DYNAP: variants seen among roughly 807,000 people sequenced by gnomAD.
The protein encoded by DYNAP is dynactin-associated protein.
DYNAP carries 7 observed loss-of-function variants against 8.5 expected under a neutral mutation model. The observed-to-expected ratio is 0.82, with a 90% CI of 0.47 to 1.54. The LOEUF (loss-of-function observed/expected upper bound fraction) is 1.54. Ranked by LOEUF, DYNAP falls within the 40% of genes most tolerant of loss-of-function variation. DYNAP has a pLI of 0.01. For synonymous variants in DYNAP, 77 were observed against 77.9 expected, an observed-to-expected ratio of 0.99 and a Z score of 0.06; for missense variants, 256 against 224.3, an observed-to-expected ratio of 1.14 and a Z score of -0.90.
chr18:54,579,196 G>T, the DYNAP span, among the ~76,000 whole-genome samples: 903 of 152,186 alleles, frequency 5.9e-3, 16 homozygotes, highest in African/African-American at 0.02. Flanking sequence ...TGTATTCTAT[G>T]TATTTATTAA....
chr18:54,576,593 G>A, the DYNAP span, among the ~76,000 whole-genome samples: 1 of 151,698 alleles, frequency 6.6e-6, no homozygotes, highest in Non-Finnish European at 1.5e-5. Flanking sequence ...GAGCCCAGGA[G>A]TTCGAGACCA....
intron 2 of DYNAP, among the ~76,000 whole-genome samples, chr18:54,596,770 C>A (rs991921081): frequency 2.0e-5 from 3 of 152,070 alleles, no homozygotes; most frequent in Non-Finnish European, 2.9e-5. Context: ...CAGATGTACA[C>A]AAGCCTTTTT....
At chr18:54,592,267 A>C (rs1323397010) in intron 1 of DYNAP, among the ~76,000 whole-genome samples, 1 of 150,998 alleles carries the variant, frequency 6.6e-6, no homozygotes, top group East Asian at 1.9e-4. Context: ...ATGTTCAGAT[A>C]CTCAGATGGA....
At chr18:54,585,570 G>A (rs1490958968), upstream of DYNAP, among the ~76,000 whole-genome samples, 2 of 152,124 alleles carry the variant, frequency 1.3e-5, no homozygotes, top group Non-Finnish European at 2.9e-5. Flanking sequence ...AGATTTGGAT[G>A]TGAACTTGCC....
In DYNAP at chr18:54,591,261, T is replaced by C. The variant is rs1195498663; in HGVS notation, c.-22T>C. 1.2e-6 allele frequency: 2 copies of C among 1,612,868 alleles called. No homozygotes were observed. The highest frequency in any genetic ancestry group is 1.7e-5 in the Admixed American group (1 of 59,934). The stretch of plus-strand genomic sequence containing the variant: ...TTGAAAAATATTCTTGGAGAGAAGC[T>C]TGTGATACTGGCAGCTCAAGAATGG... On this transcript the variant is annotated 5_prime_UTR_variant, in exon 1 of 3. Coordinates refer to ENST00000648945, the MANE Select transcript of DYNAP (RefSeq NM_173629.3).
At chr18:54,593,083 C>G (rs926171180) in intron 1 of DYNAP, among the ~76,000 whole-genome samples, 1 of 152,074 alleles carries the variant, frequency 6.6e-6, no homozygotes, top group Non-Finnish European at 1.5e-5. Flanking sequence ...TTTGTTTATT[C>G]ATATTTGATA....
chr18:54,597,677 G>A lies in DYNAP; in HGVS notation c.223-136G>A, dbSNP rs1043784384. ...TTATTTCCACCTGCATGAAAACATG[G>A]ACTTCAAGCCCATCTTTCAGAGACA... On this transcript the variant is annotated intron_variant, in intron 2 of 2. Transcript: ENST00000648945. 27 of 838,230 alleles carry A rather than the reference G, an allele frequency of 3.2e-5. No individual in the cohort carries two copies. In the Middle Eastern group the frequency reaches 1.1e-3, roughly 35 times the overall value. The allele number at this position is 838,230 out of a possible 1,614,324, so 51.9% of individuals were successfully genotyped here.
At chr18:54,579,246 TTAAAA>T in the DYNAP span, among the ~76,000 whole-genome samples, 1 of 152,246 alleles carries the variant, frequency 6.6e-6, no homozygotes, top group African/African-American at 2.4e-5. Flanking sequence ...ATTTAATGAG[TTAAAA>T]TAATAATATG....
the DYNAP span, among the ~76,000 whole-genome samples, chr18:54,576,592 AG>A: frequency 6.6e-6 from 1 of 152,192 alleles, no homozygotes. Context: ...TGAGCCCAGG[AG>A]TTCGAGACCA....
the DYNAP span, among the ~76,000 whole-genome samples, chr18:54,577,543 C>T: frequency 1.7e-3 from 244 of 146,886 alleles, 1 homozygote; most frequent in African/African-American, 6.0e-3. Flanking sequence ...ATTGCACCAC[C>T]ACACTCCAGC....
At chr18:54,577,525 G>GAAC in the DYNAP span, among the ~76,000 whole-genome samples, 31 of 141,402 alleles carry the variant, frequency 2.2e-4, no homozygotes, top group African/African-American at 7.7e-4. Flanking sequence ...AGGCTACAGT[G>GAAC]AACCGTGATT....
intron 2 of DYNAP, 141 bp downstream of exon 2, chr18:54,595,244 T>C (rs1007303023): frequency 2.0e-6 from 2 of 975,678 alleles, no homozygotes; most frequent in Admixed American, 3.6e-5. Context: ...ATTCTCAGTA[T>C]AGGTACAAGT....
intron 1 of DYNAP, among the ~76,000 whole-genome samples, chr18:54,592,249 T>C (rs1241096155): frequency 6.6e-6 from 1 of 151,938 alleles, no homozygotes; most frequent in African/African-American, 2.4e-5. Context: ...TGTAATTGGA[T>C]CTTCAAGATG....
chr18:54,582,723 G>A, the DYNAP span, among the ~76,000 whole-genome samples: 16 of 152,096 alleles, frequency 1.1e-4, no homozygotes, highest in African/African-American at 2.4e-4. Context: ...TCCAGGACTC[G>A]GATCAATCCT....
chr18:54,578,775 T>A, the DYNAP span, among the ~76,000 whole-genome samples: 13 of 152,004 alleles, frequency 8.6e-5, no homozygotes, highest in African/African-American at 3.1e-4. Flanking sequence ...GAAAAGGCAA[T>A]TTTTTTATTT....
the DYNAP span, among the ~76,000 whole-genome samples, chr18:54,575,678 A>G: frequency 2.6e-5 from 4 of 151,980 alleles, no homozygotes; most frequent in African/African-American, 9.7e-5. Context: ...GCCTCAAGCA[A>G]TCCTCCCACC....
chr18:54,596,775 CT>C (rs1911308861), intron 2 of DYNAP, among the ~76,000 whole-genome samples: 2 of 152,006 alleles, frequency 1.3e-5, no homozygotes, highest in Non-Finnish European at 2.9e-5. Context: ...GTACACAAGC[CT>C]TTTTGCCACT....
chr18:54,597,910 T>C lies in DYNAP; in HGVS notation c.320T>C (p.Ile107Thr), dbSNP rs1432575769. The change falls in exon 3 of 3, where the codon ATA becomes ACA. Residue 107 changes from isoleucine to threonine, a missense_variant. By Grantham distance (89) the Ile-to-Thr change is moderately conservative. Coordinates refer to ENST00000648945, the MANE Select transcript of DYNAP (RefSeq NM_173629.3). Reference protein sequence around the residue: ...VIMTAIGVLIICLVNNKGSAN... With the variant: ...VIMTAIGVLITCLVNNKGSAN... The stretch of plus-strand genomic sequence containing the variant: ...ATGACAGCAATTGGAGTACTTATAA[T>C]ATGCTTGGTGAATAACAAAGGATCG... The C allele has an allele frequency of 3.1e-6, 5 of 1,613,562 alleles. No individual in the cohort carries two copies. The African/African-American group carries it at 6.7e-5, about 22-fold the overall frequency.
the DYNAP span, among the ~76,000 whole-genome samples, chr18:54,577,881 C>T: frequency 1.7e-4 from 26 of 150,712 alleles, no homozygotes; most frequent in Admixed American, 6.0e-4. Flanking sequence ...GCAGAAGAAT[C>T]GCTTGAACCC....
Sources: gnomAD v4.1 joint callset for allele counts (sites outside exome capture counted in the v4.1 genomes callset) on GRCh38, gnomAD v4.1.1 for gene constraint, MANE v1.5 for transcripts, NCBI Gene and HGNC (gene_info 2026-07-23, HGNC 2026-07-21) for gene names.